The following SCFD2 variants were observed in gnomAD, a reference collection of about 807,000 sequenced individuals.
SCFD2 encodes sec1 family domain containing 2.
In SCFD2, 54 loss-of-function variants were observed where a neutral mutation model predicts 58.9. The ratio of observed to expected loss-of-function variants is 0.92; its 90% CI spans 0.74 to 1.15. SCFD2 has a LOEUF of 1.15. SCFD2 is among the 50% of genes most tolerant of loss of function. SCFD2 has a pLI of 0.00. For synonymous variants in SCFD2, 321 were observed against 335.9 expected (o/e 0.96, Z 0.49); for missense variants, 805 against 836.6 (o/e 0.96, Z 0.47).
chr4:53,123,198 C>T (rs1317007321), intron 5 of SCFD2, among the ~76,000 whole-genome samples: 6 of 152,154 alleles, frequency 3.9e-5, no homozygotes, highest in Admixed American at 1.3e-4. Context: ...CCCCCATTTC[C>T]ACCCTATCCT....
intron 4 of SCFD2, among the ~76,000 whole-genome samples, chr4:53,173,894 C>T (rs1488927404): frequency 6.6e-6 from 1 of 152,068 alleles, no homozygotes; most frequent in Non-Finnish European, 1.5e-5. Flanking sequence ...CATCATACAG[C>T]AGATTCAGAT....
chr4:53,237,042 T>C (rs1729645677), intron 4 of SCFD2, among the ~76,000 whole-genome samples: 1 of 149,370 alleles, frequency 6.7e-6, no homozygotes, highest in Admixed American at 6.7e-5. Context: ...GTGATGACTC[T>C]TAACGAGCAT....
At chr4:53,304,754 T>G (rs997289269) in intron 3 of SCFD2, among the ~76,000 whole-genome samples, 1 of 152,102 alleles carries the variant, frequency 6.6e-6, no homozygotes, top group African/African-American at 2.4e-5. Context: ...TTAGCTTTCT[T>G]GCATTGAGTT....
At chr4:53,089,001 C>A (rs1182735782) in intron 5 of SCFD2, among the ~76,000 whole-genome samples, 1 of 152,080 alleles carries the variant, frequency 6.6e-6, no homozygotes, top group African/African-American at 2.4e-5. Flanking sequence ...CTGGATAGCA[C>A]CCCTACTTCT....
At chr4:53,225,933 G>A (rs938587857) in intron 4 of SCFD2, among the ~76,000 whole-genome samples, 19 of 151,968 alleles carry the variant, frequency 1.3e-4, no homozygotes, top group Non-Finnish European at 2.4e-4. Context: ...ATATTTTCCG[G>A]TAGTTTACTT....
intron 5 of SCFD2, among the ~76,000 whole-genome samples, chr4:53,025,837 A>T (rs1368460209): frequency 6.6e-6 from 1 of 152,200 alleles, no homozygotes; most frequent in African/African-American, 2.4e-5. Context: ...TTTAAATAAT[A>T]GTTTGTCAAA....
At chr4:53,277,938 A>G (rs535856523) in intron 3 of SCFD2, among the ~76,000 whole-genome samples, 4 of 152,282 alleles carry the variant, frequency 2.6e-5, no homozygotes, top group Non-Finnish European at 2.9e-5. Flanking sequence ...CTGTAGTCCC[A>G]GCTACTCGGG....
intron 5 of SCFD2, among the ~76,000 whole-genome samples, chr4:53,096,542 T>C (rs1295815155): frequency 6.6e-6 from 1 of 152,204 alleles, no homozygotes; most frequent in Non-Finnish European, 1.5e-5. Flanking sequence ...GTTCATATCC[T>C]TTGCCCACTT....
At chr4:53,276,670 GT>G (rs1731338023) in intron 3 of SCFD2, among the ~76,000 whole-genome samples, 1 of 152,126 alleles carries the variant, frequency 6.6e-6, no homozygotes, top group African/African-American at 2.4e-5. Flanking sequence ...TAGTGTCCAT[GT>G]GTTCCCATCA....
intron 4 of SCFD2, chr4:53,273,559 A>C: frequency 3.7e-6 from 1 of 270,628 alleles, no homozygotes; most frequent in Non-Finnish European, 6.9e-6. Context: ...ATAAAATTGA[A>C]AGAGGTGTCC....
At chr4:53,348,688 C>G (rs1179125430) in intron 2 of SCFD2, among the ~76,000 whole-genome samples, 1 of 151,714 alleles carries the variant, frequency 6.6e-6, no homozygotes, top group Non-Finnish European at 1.5e-5. Flanking sequence ...TTATATCCCT[C>G]TAGACTCATC....
chr4:53,209,253 C>A (rs1307868502), intron 4 of SCFD2, among the ~76,000 whole-genome samples: 1 of 152,112 alleles, frequency 6.6e-6, no homozygotes, highest in Non-Finnish European at 1.5e-5. Context: ...CTTAATGCAT[C>A]CTACCATGCC....
intron 4 of SCFD2, among the ~76,000 whole-genome samples, chr4:53,171,829 A>C (rs1394301053): frequency 6.6e-6 from 1 of 151,494 alleles, no homozygotes; most frequent in Admixed American, 6.6e-5. Context: ...CTGTGGTATC[A>C]CCTTCAATGT....
At chr4:52,916,831 T>G (rs1719622229) in intron 6 of SCFD2, among the ~76,000 whole-genome samples, 1 of 152,258 alleles carries the variant, frequency 6.6e-6, no homozygotes, top group Non-Finnish European at 1.5e-5. Flanking sequence ...TGTTCTTTAC[T>G]GTTACAATGG....
chr4:53,194,435 T>C (rs1728001513), intron 4 of SCFD2, among the ~76,000 whole-genome samples: 1 of 152,200 alleles, frequency 6.6e-6, no homozygotes, highest in Non-Finnish European at 1.5e-5. Flanking sequence ...TAGCAGTACA[T>C]TTGTGCCTCA....
rs80245270 is a variant in SCFD2 at position 53,009,645 on chromosome 4, A to T, written c.1562-88775T>A. Among the ~76,000 whole-genome samples the T allele has an allele frequency of 1.4e-3, 212 of 152,264 alleles. 4 individuals are homozygous for T. In the East Asian group the frequency reaches 0.034, roughly 24 times the overall value. Reference sequence around the variant, plus strand: ...CTGAGACTTAGTGCTGACCTTATATATAACCTCCATTTATAGACACACATA... The same window carrying T: ...CTGAGACTTAGTGCTGACCTTATATTTAACCTCCATTTATAGACACACATA... On this transcript the variant is annotated intron_variant, in intron 5 of 8. Coordinates refer to ENST00000401642, the MANE Select transcript of SCFD2 (RefSeq NM_152540.4).
chr4:53,121,420 C>A (rs1403862173), intron 5 of SCFD2, among the ~76,000 whole-genome samples: 1 of 152,152 alleles, frequency 6.6e-6, no homozygotes, highest in East Asian at 1.9e-4. Context: ...CTCTATTGTT[C>A]AAGTTTGGGC....
intron 4 of SCFD2, among the ~76,000 whole-genome samples, chr4:53,246,781 G>A (rs560107439): frequency 6.4e-4 from 98 of 152,090 alleles, no homozygotes; most frequent in Non-Finnish European, 1.1e-3. Context: ...TCTGGACGTA[G>A]GAACTGGCAA....
At chr4:52,933,631 G>C (rs925758053) in intron 5 of SCFD2, among the ~76,000 whole-genome samples, 7 of 152,166 alleles carry the variant, frequency 4.6e-5, no homozygotes, top group African/African-American at 1.7e-4. Flanking sequence ...CCGGCTCCAT[G>C]ATCTGAAGGC....
Sources: allele counts gnomAD v4.1 joint callset (sites outside exome capture counted in the v4.1 genomes callset), GRCh38; gene constraint gnomAD v4.1.1; transcripts MANE v1.5; gene names NCBI Gene and HGNC (gene_info 2026-07-23, HGNC 2026-07-21).